Variants in PRKCB observed in about 807,000 individuals in gnomAD.
PRKCB encodes protein kinase C beta.
A neutral mutation model predicts 81.5 loss-of-function variants in PRKCB; 13 were observed. That is an observed-to-expected ratio of 0.16 (90% CI 0.10 to 0.25). The LOEUF (loss-of-function observed/expected upper bound fraction) is 0.25, where lower values mean the gene tolerates loss of function less well. Among genes scored for constraint, PRKCB ranks in the 10% least tolerant of loss-of-function variants. The pLI is 1.00. For synonymous variants in PRKCB, 335 were observed against 321.4 expected, an observed-to-expected ratio of 1.04 and a Z score of -0.45; for missense variants, 509 against 875.7, an observed-to-expected ratio of 0.58 and a Z score of 5.29.
chr16:23,989,844 T>C (rs1268801226), intron 3 of PRKCB, among the ~76,000 whole-genome samples: 1 of 152,176 alleles, frequency 6.6e-6, no homozygotes, highest in Non-Finnish European at 1.5e-5. Context: ...TTTTCCCGGC[T>C]CTCTTGTAGC....
chr16:24,205,119 CA>C (rs904774600), intron 16 of PRKCB, among the ~76,000 whole-genome samples: 7 of 127,650 alleles, frequency 5.5e-5, no homozygotes, highest in Non-Finnish European at 9.9e-5. Context: ...GACTTCATCT[CA>C]AAAAAAAAAT....
At chr16:23,862,909 G>A (rs531215327) in intron 2 of PRKCB, among the ~76,000 whole-genome samples, 1 of 151,998 alleles carries the variant, frequency 6.6e-6, no homozygotes, top group East Asian at 1.9e-4. Flanking sequence ...GCCAGGCTTG[G>A]CAGTGTCCAG....
At chr16:24,112,920 A>T (rs1966692778) in intron 7 of PRKCB, 53 bp from the exon 8 acceptor site, 1 of 1,266,326 alleles carries the variant, frequency 7.9e-7, no homozygotes, top group Non-Finnish European at 1.1e-6. Context: ...TGATCAATAA[A>T]ATAATACCGA....
intron 16 of PRKCB, among the ~76,000 whole-genome samples, chr16:24,197,004 T>C (rs1967889817): frequency 6.6e-6 from 1 of 152,152 alleles, no homozygotes; most frequent in Non-Finnish European, 1.5e-5. Flanking sequence ...GATGGAGCAG[T>C]GGCTTGGGAA....
chr16:24,057,186 C>T (rs1965913175), intron 5 of PRKCB, among the ~76,000 whole-genome samples: 1 of 152,140 alleles, frequency 6.6e-6, no homozygotes, highest in Admixed American at 6.5e-5. Flanking sequence ...CTCTGGCAGG[C>T]ACACTTTTGG....
chr16:23,997,990 T>C (rs1224734526), intron 3 of PRKCB, among the ~76,000 whole-genome samples: 17 of 152,190 alleles, frequency 1.1e-4, no homozygotes, highest in Non-Finnish European at 1.5e-5. Context: ...GGCATGTCTG[T>C]GAGGGTGTTT....
rs1241544971 is a variant in PRKCB, at chr16:24,216,889, G to T, written c.*2073G>T. On this transcript the variant is annotated 3_prime_UTR_variant, in exon 17 of 17. Coordinates refer to ENST00000643927, the MANE Select transcript of PRKCB (RefSeq NM_002738.7). ...AACCTGGGTGTCCTGTCCAGAAAGT[G>T]CAGGGTGCTTTCTGCTCTGTAGCAA... 1.0e-6 allele frequency: 1 copy of T among 985,460 alleles called. No individual in the cohort carries two copies. The highest frequency in any genetic ancestry group is 1.2e-6 in the Non-Finnish European group (1 of 829,956). The allele number at this position is 985,460 out of a possible 1,614,324, so 61.0% of individuals were successfully genotyped here. A position where few individuals can be genotyped will look rare whatever the true frequency, so the allele number is the denominator to read the frequency against.
At chr16:24,131,107 A>G (rs191296313) in intron 9 of PRKCB, among the ~76,000 whole-genome samples, 161 of 152,348 alleles carry the variant, frequency 1.1e-3, no homozygotes, top group African/African-American at 3.6e-3. Context: ...AGCACGAGCC[A>G]GGAATAAGTC....
chr16:23,859,910 C>T (rs1177520900), intron 2 of PRKCB, among the ~76,000 whole-genome samples: 2 of 146,694 alleles, frequency 1.4e-5, no homozygotes, highest in African/African-American at 5.1e-5. Context: ...AGAGAGAGAG[C>T]GAGAGAGTTG....
intron 2 of PRKCB, among the ~76,000 whole-genome samples, chr16:23,942,361 G>C (rs1186630245): frequency 1.3e-5 from 2 of 152,256 alleles, no homozygotes; most frequent in African/African-American, 4.8e-5. Context: ...CAAAGTGATA[G>C]AGCGTGGGCA....
chr16:24,210,070 C>A (rs1968116133), intron 16 of PRKCB, among the ~76,000 whole-genome samples: 2 of 152,136 alleles, frequency 1.3e-5, no homozygotes, highest in South Asian at 4.1e-4. Flanking sequence ...GAGCTGTGAT[C>A]ATGCCTCTGA....
chr16:23,919,325 T>G (rs1963788989), intron 2 of PRKCB, among the ~76,000 whole-genome samples: 1 of 150,918 alleles, frequency 6.6e-6, no homozygotes, highest in African/African-American at 2.4e-5. Flanking sequence ...TTTGGAAAGA[T>G]ACTATGTGAA....
intron 2 of PRKCB, among the ~76,000 whole-genome samples, chr16:23,902,457 GTACCGAGCTCTATTCTA>G (rs1963488132): frequency 6.6e-6 from 1 of 151,878 alleles, no homozygotes; most frequent in Admixed American, 6.6e-5. Flanking sequence ...TACTTATTCT[GTACCGAGCTCTATTCTA>G]TATCATTTTC....
intron 2 of PRKCB, among the ~76,000 whole-genome samples, chr16:23,923,205 C>T (rs1963850671): frequency 6.6e-6 from 1 of 151,962 alleles, no homozygotes; most frequent in South Asian, 2.1e-4. Flanking sequence ...CCAAAAAGTC[C>T]AAGGGTAGCT....
intron 3 of PRKCB, among the ~76,000 whole-genome samples, chr16:24,018,416 A>G (rs571672457): frequency 6.6e-6 from 1 of 152,222 alleles, no homozygotes; most frequent in East Asian, 1.9e-4. Flanking sequence ...ATCTCACTGA[A>G]CTCTTACTAA....
At chr16:24,098,400 T>G (rs188758823) in intron 7 of PRKCB, 1 of 152,208 alleles carries the variant, frequency 6.6e-6, no homozygotes, top group African/African-American at 2.4e-5. Context: ...TAAAACTGAC[T>G]GATATACAGG....
intron 9 of PRKCB, among the ~76,000 whole-genome samples, chr16:24,127,987 T>A (rs976210182): frequency 6.6e-6 from 1 of 152,160 alleles, no homozygotes; most frequent in Non-Finnish European, 1.5e-5. Context: ...GATTTGCTCT[T>A]CCCCTTCGAA....
rs370916152 is a variant in PRKCB at position 24,021,592 on chromosome 16, G to C, written c.289-10544G>C. On this transcript the variant is annotated intron_variant, in intron 3 of 16. Coordinates refer to ENST00000643927, the MANE Select transcript of PRKCB (RefSeq NM_002738.7). ...GTTATTGTCTATAACCCCCGTGTTA[G>C]GTGGGAGACTCTCTGGGGAGGCTGA... is the stretch of plus-strand genomic sequence containing the variant. Among the ~76,000 whole-genome samples, 5 of 152,062 alleles carry C rather than the reference G, an allele frequency of 3.3e-5. No individual in the cohort carries two copies. In the East Asian group the frequency reaches 9.7e-4, roughly 30 times the overall value.
chr16:23,890,940 C>G (rs1009815307), intron 2 of PRKCB, among the ~76,000 whole-genome samples: 1 of 151,494 alleles, frequency 6.6e-6, no homozygotes, highest in South Asian at 2.1e-4. Context: ...GGACATTTAT[C>G]TTTATATATG....
Sources: gnomAD v4.1 joint callset for allele counts (sites outside exome capture counted in the v4.1 genomes callset) on GRCh38, gnomAD v4.1.1 for gene constraint, MANE v1.5 for transcripts, NCBI Gene and HGNC (gene_info 2026-07-23, HGNC 2026-07-21) for gene names.